Variants in TMEM63A observed in about 807,000 individuals in gnomAD.
TMEM63A encodes the protein mechanosensitive cation channel TMEM63A.
Under a neutral mutation model 100.6 loss-of-function variants are expected in TMEM63A, and 76 were observed. That is an observed-to-expected ratio of 0.76 (90% CI 0.63 to 0.91). The LOEUF (loss-of-function observed/expected upper bound fraction) is 0.91. Ranked by LOEUF, TMEM63A falls within the 40% of genes least tolerant of loss-of-function variation. The probability of loss-of-function intolerance (pLI) is 0.00; values close to 1 mark genes in which losing one functional copy is unlikely to be tolerated. For synonymous variants in TMEM63A, 401 were observed against 401.1 expected, an observed-to-expected ratio of 1.00 and a Z score of 0.00; for missense variants, 876 against 1,008.8, an observed-to-expected ratio of 0.87 and a Z score of 1.78.
At position 225,862,880 on chromosome 1, in the gene TMEM63A, GAC is replaced by G. The variant is rs769982879; in HGVS notation, c.747-31_747-30del. 53 of 1,608,362 alleles carry G rather than the reference GAC, an allele frequency of 3.3e-5. 3 individuals are homozygous for G. In the South Asian group the frequency reaches 4.2e-4, roughly 13 times the overall value. On this transcript the variant is annotated intron_variant, in intron 10 of 24. Transcript: ENST00000366835. This position sits in a 1 kb window ranked among gnomAD's most constrained non-coding sequence, Gnocchi z 5.1. ...TGGCCAGGGAGAGAAGGAGGCAAAA[GAC>G]ACCGTTGGAAAAGAAAACACCCCAA...
downstream of TMEM63A, chr1:225,840,738 C>A (rs1310347728): frequency 1.3e-5 from 2 of 155,132 alleles, no homozygotes; most frequent in Admixed American, 6.2e-5. Context: ...AAAGATGGGA[C>A]CCCTGTAGCA....
chr1:225,866,517 C>T, intron 9 of TMEM63A, 57 bp downstream of exon 9: 1 of 1,531,124 alleles, frequency 6.5e-7, no homozygotes. Context: ...GGCCCTTCCA[C>T]TCCGACTCCC....
In TMEM63A at chr1:225,877,410, G is replaced by C. The variant is rs758572598; in HGVS notation, c.171C>G (p.Asp57Glu). The part of the protein sequence containing the change: ...FGGIPTVLLI[D>E]VSCFLFLILV... ...GGGCTCTCACCAGGAAGCAGCTGAC[G>C]TCTATGAGCAGGACAGTGGGGATGC... Residue 57 changes from aspartate (D) to glutamate (E), a missense_variant, in exon 3 of 25, where the codon GAC becomes GAG. Transcript: ENST00000366835. 9.3e-6 allele frequency: 15 copies of C among 1,613,012 alleles called. 1 individual carries two copies. The Admixed American group carries it at 2.3e-4, about 25-fold the overall frequency.
At chr1:225,843,990 G>A (rs1350711516), downstream of TMEM63A, among the ~76,000 whole-genome samples, 4 of 152,184 alleles carry the variant, frequency 2.6e-5, no homozygotes. Flanking sequence ...GAAAGTGGAA[G>A]GTGGGGTGGG....
chr1:225,862,552 T>C lies in TMEM63A; in HGVS notation c.854A>G (p.Tyr285Cys), dbSNP rs1348519358. 11 of 1,613,796 alleles carry C rather than the reference T, an allele frequency of 6.8e-6. No individual in the cohort carries two copies. The highest frequency in any genetic ancestry group is 9.3e-6 in the Non-Finnish European group (11 of 1,179,986). ...TGTCTTCACCTGCAGGTTTGTGTAATAGGTCAGGCTCTTCTCAGTCTTCTT... is the reference window on the plus strand; with the variant it reads ...TGTCTTCACCTGCAGGTTTGTGTAACAGGTCAGGCTCTTCTCAGTCTTCTT... ...EKKKTEKSLT[Y>C]YTNLQVKTGQ... The change falls in exon 12 of 25, where the codon TAT (tyrosine) becomes TGT (cysteine). Residue 285 changes from tyrosine to cysteine, a missense_variant. Physicochemically the swap from Tyr to Cys is radical, Grantham distance 194. Around this residue, in one of 5 missense-constraint regions of TMEM63A, gnomAD observed 487 missense variants for 581.9 expected, o/e 0.84. Transcript: ENST00000366835. The surrounding 1 kb of genome is among the most constrained non-coding windows in gnomAD (Gnocchi z 5.1).
intron 14 of TMEM63A, 154 bp from the exon 15 acceptor site, chr1:225,859,503 TC>T (rs1669825599): frequency 1.1e-6 from 1 of 881,580 alleles, no homozygotes; most frequent in Admixed American, 2.9e-5. Context: ...AAATCTTAGG[TC>T]CCCAAGAGCT....
chr1:225,855,954 G>C lies in TMEM63A; in HGVS notation c.1572-14C>G, dbSNP rs772139434. The C allele has an allele frequency of 1.2e-6, 2 of 1,613,390 alleles. No homozygotes were observed. Among genetic ancestry groups the C allele is most frequent in the Admixed American group, 1.7e-5 (1 of 59,920 alleles). ...AAAAAATCTAGACTGAAAAACAAAG[G>C]AACCCCCTAAGAGTTTATTTCCAGC... On this transcript the variant is annotated splice_polypyrimidine_tract_variant and intron_variant, in intron 17 of 24. Coordinates refer to ENST00000366835, the MANE Select transcript of TMEM63A (RefSeq NM_014698.3).
chr1:225,859,720 A>T (rs564479000), intron 14 of TMEM63A: 129 of 203,128 alleles, frequency 6.4e-4, no homozygotes, highest in African/African-American at 3.1e-3. Context: ...ATCTCGGCTC[A>T]CTGCAACCTC....
rs368088123 is a variant in TMEM63A at position 225,862,289 on chromosome 1, T to C, written c.1014A>G (p.Glu338=). 5.0e-6 allele frequency: 8 copies of C among 1,614,096 alleles called. No individual in the cohort carries two copies. Among genetic ancestry groups the C allele is most frequent in the South Asian group, 1.1e-5 (1 of 91,094 alleles). ...KDRLLERITE[E]ERHVQDQPLG... ...GGGGCTGGTCCTGGACGTGGCGTTC[T>C]TCCTCTGTGATCCTCTCCAGCAGCC... is the stretch of plus-strand genomic sequence containing the variant. The change falls in exon 13 of 25, where the codon GAA becomes GAG. Residue 338 remains glutamate (E), a synonymous_variant. Coordinates refer to ENST00000366835, the MANE Select transcript of TMEM63A (RefSeq NM_014698.3). The surrounding 1 kb of genome is among the most constrained non-coding windows in gnomAD (Gnocchi z 5.1).
At chr1:225,842,326 C>T (rs577154943), downstream of TMEM63A, 1 of 1,443,046 alleles carries the variant, frequency 6.9e-7, no homozygotes, top group African/African-American at 1.4e-5. Flanking sequence ...TCTCTGGTCC[C>T]CAGGCCTGAG....
chr1:225,864,281 G>A (rs1306147008), intron 10 of TMEM63A: 1 of 152,198 alleles, frequency 6.6e-6, no homozygotes, highest in Non-Finnish European at 1.5e-5. Flanking sequence ...AACAGGGCCT[G>A]GATGTGCTTA....
Position 225,853,896 on chromosome 1 carries a change from A to G in TMEM63A, c.1635-105T>C. 8.9e-7 allele frequency: 1 copy of G among 1,126,628 alleles called. No homozygotes were observed. Among genetic ancestry groups the G allele is most frequent in the Non-Finnish European group, 1.2e-6 (1 of 813,830 alleles). 69.8% of individuals were successfully genotyped at this position (1,126,628 alleles called of 1,614,324 possible). On this transcript the variant is annotated intron_variant, in intron 18 of 24. Coordinates refer to ENST00000366835, the MANE Select transcript of TMEM63A (RefSeq NM_014698.3). This position sits in a 1 kb window ranked among gnomAD's most constrained non-coding sequence, Gnocchi z 4.0. ...CAGAAAGCCCCTGGGAGGGCTGTAT[A>G]CTCTTCCGTTCATTCAGCACATATT...
At chr1:225,848,593 C>G (rs761597037) in intron 22 of TMEM63A, 39 bp from the exon 23 acceptor site, 4 of 1,608,636 alleles carry the variant, frequency 2.5e-6, no homozygotes, top group Non-Finnish European at 3.4e-6. Flanking sequence ...ATAAACAAAA[C>G]TGATCTCTGT....
chr1:225,860,913 G>A lies in TMEM63A; in HGVS notation c.1170C>T (p.Leu390=), dbSNP rs371128174. Residue 390 remains leucine (L), a synonymous_variant, in exon 14 of 25, where the codon CTC becomes CTT. Transcript: ENST00000366835. ...EPQPSSHSRE[L]YTSKWTVTFA... is the part of the protein sequence containing the mutation. Reference sequence around the variant, plus strand: ...AGGTGACTGTCCACTTGGAGGTATAGAGCTCCCTGCTATGGGAGGACGGCT... The same window carrying A: ...AGGTGACTGTCCACTTGGAGGTATAAAGCTCCCTGCTATGGGAGGACGGCT... The A allele has an allele frequency of 5.6e-6, 9 of 1,612,784 alleles. No individual in the cohort carries two copies. The highest frequency in any genetic ancestry group is 7.6e-6 in the Non-Finnish European group (9 of 1,179,472).
Position 225,867,260 on chromosome 1 carries a change from G to A in TMEM63A, c.515-97C>T. On this transcript the variant is annotated intron_variant, in intron 7 of 24. Transcript: ENST00000366835. The surrounding 1 kb of genome is among the most constrained non-coding windows in gnomAD (Gnocchi z 4.6). ...TGGTTTGTGGAGCTCTGGGGAGGAG[G>A]AGCATGTCTGGACCAGCAGGAAGAC... The A allele has an allele frequency of 2.4e-6, 3 of 1,230,148 alleles. No individual in the cohort carries two copies. The highest frequency in any genetic ancestry group is 2.4e-6 in the Non-Finnish European group (2 of 832,100). 76.2% of individuals were successfully genotyped at this position (1,230,148 alleles called of 1,614,324 possible).
intron 5 of TMEM63A, chr1:225,871,743 G>C (rs150073731): frequency 1.9e-6 from 1 of 517,964 alleles, no homozygotes; most frequent in African/African-American, 1.9e-5. Context: ...AGAGAGAGAA[G>C]TGCTGGGGAA....
rs754752907 is a variant in TMEM63A at position 225,852,723 on chromosome 1, A to C, written c.1844T>G (p.Leu615Arg). The change falls in exon 20 of 25, where the codon CTG becomes CGG. Residue 615 changes from leucine (L) to arginine (R), a missense_variant. Transcript: ENST00000366835. ...YEFGAMYAWM[L>R]CVFTVIVAYS... is the part of the protein sequence containing the mutation. ...GGCCACGATGACAGTGAAGACACACAGCATCCATGCATACATGGCTCCAAA... is the reference window on the plus strand; with the variant it reads ...GGCCACGATGACAGTGAAGACACACCGCATCCATGCATACATGGCTCCAAA... 3.1e-6 allele frequency: 5 copies of C among 1,614,000 alleles called. No homozygotes were observed. The highest frequency in any genetic ancestry group is 4.2e-6 in the Non-Finnish European group (5 of 1,180,032).
chr1:225,879,632 G>C (rs577420463), intron 1 of TMEM63A, among the ~76,000 whole-genome samples: 1 of 152,124 alleles, frequency 6.6e-6, no homozygotes, highest in Non-Finnish European at 1.5e-5. Context: ...CTCCTTCCTC[G>C]GCCAGCACCA....
intron 3 of TMEM63A, among the ~76,000 whole-genome samples, chr1:225,876,972 C>T (rs1379060200): frequency 6.6e-6 from 1 of 152,038 alleles, no homozygotes; most frequent in Non-Finnish European, 1.5e-5. Flanking sequence ...TTTAAAAACC[C>T]CAGGGATGCC....
Sources: gnomAD v4.1 joint callset for allele counts (sites outside exome capture counted in the v4.1 genomes callset) on GRCh38, gnomAD v4.1.1 for gene constraint, gnomAD v4.1.1 regional missense constraint, Gnocchi (gnomAD v3.1) non-coding constraint, MANE v1.5 for transcripts, NCBI Gene and HGNC (gene_info 2026-07-23, HGNC 2026-07-21) for gene names.